SLC14A2: variants seen among roughly 807,000 people sequenced by gnomAD.
SLC14A2 encodes the protein urea transporter 2.
A neutral mutation model predicts 104.6 loss-of-function variants in SLC14A2; 91 were observed. The observed-to-expected ratio is 0.87, with a 90% CI of 0.73 to 1.04. SLC14A2 has a LOEUF of 1.04. Ranked by LOEUF, SLC14A2 falls within the 50% of genes least tolerant of loss-of-function variation. The pLI is 0.00. For synonymous variants in SLC14A2, 476 were observed against 466.4 expected (o/e 1.02, Z -0.27); for missense variants, 1,189 against 1,156.0 (o/e 1.03, Z -0.41).
chr18:45,272,896 C>T (rs1192220927), intron 1 of SLC14A2, among the ~76,000 whole-genome samples: 1 of 152,076 alleles, frequency 6.6e-6, no homozygotes, highest in East Asian at 1.9e-4. Context: ...ACTGTGCACA[C>T]ACAAAAATTT....
At chr18:45,260,900 C>T (rs1325344002) in intron 1 of SLC14A2, among the ~76,000 whole-genome samples, 1 of 152,080 alleles carries the variant, frequency 6.6e-6, no homozygotes. Flanking sequence ...ATGATCACCA[C>T]CAGGGTAACA....
chr18:45,614,622 T>C (rs1282078305), upstream of SLC14A2, among the ~76,000 whole-genome samples: 1 of 152,094 alleles, frequency 6.6e-6, no homozygotes, highest in African/African-American at 2.4e-5. Context: ...ATATGAGACA[T>C]GGAGTCAAAG....
intron 1 of SLC14A2, among the ~76,000 whole-genome samples, chr18:45,427,003 T>C (rs1202355098): frequency 6.6e-6 from 1 of 152,086 alleles, no homozygotes; most frequent in African/African-American, 2.4e-5. Context: ...TTTCTCAACA[T>C]AGAGTTGGGG....
At chr18:45,388,064 CTTTTTTTTTTTT>C (rs58962313) in intron 1 of SLC14A2, among the ~76,000 whole-genome samples, 1 of 69,052 alleles carries the variant, frequency 1.4e-5, no homozygotes, top group Non-Finnish European at 2.5e-5. Flanking sequence ...TTGCTCATAT[CTTTTTTTTTTTT>C]TTTTTTTTTT....
intron 1 of SLC14A2, among the ~76,000 whole-genome samples, chr18:45,457,312 T>A (rs1411861039): frequency 1.3e-5 from 2 of 152,096 alleles, no homozygotes; most frequent in East Asian, 3.9e-4. Flanking sequence ...CCCCCTACCA[T>A]CCCAGACGTA....
At chr18:45,408,644 T>C (rs967496626) in intron 1 of SLC14A2, among the ~76,000 whole-genome samples, 5 of 152,220 alleles carry the variant, frequency 3.3e-5, no homozygotes, top group Non-Finnish European at 7.3e-5. Flanking sequence ...CATTAATTAA[T>C]ACAGCGGGGA....
intron 1 of SLC14A2, among the ~76,000 whole-genome samples, chr18:45,423,382 G>A (rs2086376177): frequency 6.6e-6 from 1 of 152,188 alleles, no homozygotes; most frequent in Non-Finnish European, 1.5e-5. Flanking sequence ...TCCTGTCCTG[G>A]GGAGAGCCCT....
intron 1 of SLC14A2, among the ~76,000 whole-genome samples, chr18:45,450,885 G>C (rs1220129698): frequency 2.0e-5 from 3 of 152,138 alleles, no homozygotes; most frequent in African/African-American, 7.2e-5. Context: ...AGAATAAAGG[G>C]TCCATCATTT....
the SLC14A2 span, among the ~76,000 whole-genome samples, chr18:45,184,110 C>A: frequency 1.3e-4 from 19 of 151,802 alleles, no homozygotes; most frequent in Non-Finnish European, 1.5e-5. Flanking sequence ...GCAATATTTA[C>A]AAGTTTCTGA....
chr18:45,523,586 T>C (rs562593715), intron 2 of SLC14A2, among the ~76,000 whole-genome samples: 1 of 151,534 alleles, frequency 6.6e-6, no homozygotes, highest in Non-Finnish European at 1.5e-5. Flanking sequence ...CAGCCTGCCT[T>C]GGCCTCCCAA....
At chr18:45,574,179 C>T (rs1006588373) in intron 2 of SLC14A2, among the ~76,000 whole-genome samples, 9 of 152,072 alleles carry the variant, frequency 5.9e-5, no homozygotes, top group African/African-American at 1.9e-4. Context: ...CTTGCCTGCA[C>T]GTGCATGTGT....
intron 2 of SLC14A2, among the ~76,000 whole-genome samples, chr18:45,497,868 G>A (rs564067293): frequency 1.1e-4 from 17 of 152,300 alleles, no homozygotes; most frequent in African/African-American, 2.6e-4. Flanking sequence ...GAAGCTGTCC[G>A]TGCAATCTGA....
chr18:45,651,021 G>T (rs935829607), intron 10 of SLC14A2, among the ~76,000 whole-genome samples: 4 of 152,056 alleles, frequency 2.6e-5, no homozygotes, highest in Non-Finnish European at 5.9e-5. Context: ...GATTTTAAGG[G>T]TTCCAGGAAG....
At chr18:45,496,213 A>G (rs186199469) in intron 2 of SLC14A2, among the ~76,000 whole-genome samples, 1 of 152,384 alleles carries the variant, frequency 6.6e-6, no homozygotes, top group African/African-American at 2.4e-5. Context: ...TGAAAGAAGT[A>G]TCATCTTTAT....
rs1184877649 is a variant in SLC14A2 at position 45,414,777 on chromosome 18, T to A, written c.-124-68456T>A. On this transcript the variant is annotated intron_variant, in intron 1 of 20. Transcript: ENST00000586448. ...AAAAAAATATATATATATATATATA[T>A]ATATATATATATATATATAGAAAAG... is the stretch of plus-strand genomic sequence containing the variant. 6.2e-4 allele frequency among the ~76,000 whole-genome samples: 76 copies of A among 121,626 alleles called. 2 individuals are homozygous for A. Among genetic ancestry groups the A allele is most frequent in the African/African-American group, 1.9e-3 (54 of 28,954 alleles). 79.8% of individuals were successfully genotyped at this position (121,626 alleles called of 152,430 possible). A position where few individuals can be genotyped will look rare whatever the true frequency, so the allele number is the denominator to read the frequency against.
At chr18:45,317,392 C>T (rs1459665579) in intron 1 of SLC14A2, among the ~76,000 whole-genome samples, 1 of 152,122 alleles carries the variant, frequency 6.6e-6, no homozygotes. Flanking sequence ...CCCAGTGAAG[C>T]TTGTAGTCCA....
At chr18:45,464,905 G>A (rs560965231) in intron 1 of SLC14A2, among the ~76,000 whole-genome samples, 15 of 152,178 alleles carry the variant, frequency 9.9e-5, no homozygotes, top group African/African-American at 2.7e-4. Context: ...GGTAGAGCCT[G>A]TCTCTGACAG....
At chr18:45,168,493 T>C in the SLC14A2 span, 1 of 152,280 alleles carries the variant, frequency 6.6e-6, no homozygotes, top group East Asian at 1.9e-4. Flanking sequence ...TGTGTGTTGA[T>C]TAAATTCAAC....
At chr18:45,393,912 A>G (rs2085999960) in intron 1 of SLC14A2, among the ~76,000 whole-genome samples, 1 of 152,200 alleles carries the variant, frequency 6.6e-6, no homozygotes, top group Non-Finnish European at 1.5e-5. Context: ...AGAAGAGGAA[A>G]CAGACACCTG....
Sources: gnomAD v4.1 joint callset for allele counts (sites outside exome capture counted in the v4.1 genomes callset) on GRCh38, gnomAD v4.1.1 for gene constraint, MANE v1.5 for transcripts, NCBI Gene and HGNC (gene_info 2026-07-23, HGNC 2026-07-21) for gene names.